Variants in MID1 observed in about 807,000 individuals in gnomAD.
The protein encoded by MID1 is E3 ubiquitin-protein ligase Midline-1.
Under a neutral mutation model 40.4 loss-of-function variants are expected in MID1, and 7 were observed. The observed-to-expected ratio is 0.17, with a 90% confidence interval of 0.10 to 0.33. The LOEUF (loss-of-function observed/expected upper bound fraction) is 0.33. Among genes scored for constraint, MID1 ranks in the 10% least tolerant of loss-of-function variants. The probability of loss-of-function intolerance (pLI) is 1.00; values close to 1 mark genes in which losing one functional copy is unlikely to be tolerated. For synonymous variants in MID1, 229 were observed against 221.2 expected (o/e 1.04, Z -0.31); for missense variants, 367 against 558.5 (o/e 0.66, Z 3.46).
intron 7 of MID1, among the ~76,000 whole-genome samples, chrX:10,462,033 G>T (rs1451109459): frequency 9.0e-6 from 1 of 110,980 alleles, no homozygotes; most frequent in Admixed American, 9.6e-5. Flanking sequence ...ACCCAACAAA[G>T]ATTTTATGTT....
At chrX:10,810,907 C>T (rs2044094858) in intron 1 of MID1, among the ~76,000 whole-genome samples, 1 of 110,773 alleles carries the variant, frequency 9.0e-6, no homozygotes, top group Non-Finnish European at 1.9e-5. Flanking sequence ...TATAGTGTCC[C>T]TGTCTGTGGT....
chrX:10,695,827 A>T (rs776341503), intron 1 of MID1, among the ~76,000 whole-genome samples: 1 of 112,217 alleles, frequency 8.9e-6, no homozygotes, highest in South Asian at 3.8e-4. Flanking sequence ...AAATGCAGTG[A>T]GTCTGAAATG....
At chrX:10,774,875 T>C (rs1280255687) in intron 1 of MID1, among the ~76,000 whole-genome samples, 1 of 111,791 alleles carries the variant, frequency 8.9e-6, no homozygotes, top group Admixed American at 9.6e-5. Flanking sequence ...CTTGGCTTTT[T>C]ATTATATCTA....
intron 5 of MID1, among the ~76,000 whole-genome samples, chrX:10,479,977 T>C (rs941138190): frequency 1.8e-5 from 2 of 112,039 alleles, no homozygotes. Flanking sequence ...AGTTAAAAAG[T>C]GGCAGTGCTA....
intron 6 of MID1, among the ~76,000 whole-genome samples, chrX:10,471,218 A>AGAG (rs1929690119): frequency 8.9e-6 from 1 of 112,299 alleles, no homozygotes; most frequent in African/African-American, 3.2e-5. Flanking sequence ...GTACTATTTC[A>AGAG]GAGTTATTTC....
chrX:10,517,344 A>G (rs1196191722), intron 3 of MID1, among the ~76,000 whole-genome samples: 1 of 112,225 alleles, frequency 8.9e-6, no homozygotes, highest in Non-Finnish European at 1.9e-5. Flanking sequence ...TTTCCACTGC[A>G]CTGATTTAAA....
At chrX:10,574,746 C>T (rs1934826783) in intron 1 of MID1, among the ~76,000 whole-genome samples, 1 of 112,412 alleles carries the variant, frequency 8.9e-6, no homozygotes, top group South Asian at 3.7e-4. Flanking sequence ...CTTCCAGCCC[C>T]TCACTTTGTA....
intron 1 of MID1, among the ~76,000 whole-genome samples, chrX:10,630,659 G>C (rs1221449800): frequency 9.0e-6 from 1 of 110,878 alleles, no homozygotes; most frequent in Non-Finnish European, 1.9e-5. Context: ...AGGTTTCAGA[G>C]CTCAGGAGTA....
intron 2 of MID1, among the ~76,000 whole-genome samples, chrX:10,549,082 A>G (rs1437568994): frequency 1.8e-5 from 2 of 111,778 alleles, no homozygotes; most frequent in Non-Finnish European, 3.8e-5. Context: ...GGATAGGAAT[A>G]TTATTGTCTG....
At chrX:10,785,902 C>T (rs1207105201) in intron 1 of MID1, among the ~76,000 whole-genome samples, 2 of 111,908 alleles carry the variant, frequency 1.8e-5, no homozygotes, top group Non-Finnish European at 3.8e-5. Flanking sequence ...AGGACATAGG[C>T]ATGGGCAAGG....
At chrX:10,565,763 T>G (rs1934503145) in intron 2 of MID1, among the ~76,000 whole-genome samples, 1 of 111,235 alleles carries the variant, frequency 9.0e-6, no homozygotes, top group African/African-American at 3.3e-5. Flanking sequence ...GAGACTTGGC[T>G]TATTATTTCT....
chrX:10,627,348 T>C (rs765918533), intron 1 of MID1, among the ~76,000 whole-genome samples: 15 of 111,786 alleles, frequency 1.3e-4, no homozygotes, highest in Non-Finnish European at 2.6e-4. Context: ...GTTTCCACCA[T>C]TTCAGCTTTA....
At chrX:10,451,638 T>C (rs1248300047) in intron 9 of MID1, among the ~76,000 whole-genome samples, 2 of 111,681 alleles carry the variant, frequency 1.8e-5, no homozygotes, top group Admixed American at 9.5e-5. Context: ...TGGAAGGAAA[T>C]TGAATCATGG....
intron 1 of MID1, among the ~76,000 whole-genome samples, chrX:10,656,986 A>AT (rs1013654416): frequency 2.7e-5 from 3 of 110,314 alleles, no homozygotes; most frequent in East Asian, 2.9e-4. Flanking sequence ...AGTCTCTACA[A>AT]TTTTTTTACC....
intron 1 of MID1, among the ~76,000 whole-genome samples, chrX:10,703,073 T>C (rs2147083400): frequency 8.9e-6 from 1 of 112,285 alleles, no homozygotes; most frequent in East Asian, 2.8e-4. Context: ...TGTAGTATTT[T>C]GTTATGGCAG....
chrX:10,449,281 AC>A lies in MID1; in HGVS notation c.*86del. The A allele has an allele frequency of 1.2e-6, 1 of 807,205 alleles. No homozygotes were observed. 66.5% of individuals were successfully genotyped at this position (807,205 alleles called of 1,213,427 possible). A position where few individuals can be genotyped will look rare whatever the true frequency, so the allele number is the denominator to read the frequency against. On this transcript the variant is annotated 3_prime_UTR_variant, in exon 10 of 10. Coordinates refer to ENST00000317552, the MANE Select transcript of MID1 (RefSeq NM_000381.4). ...GACACTTCTGGTGAGATTTCATTACACTCATGAAGCCTGTGCTTTCTCAGTC... is the reference window on the plus strand; with the variant it reads ...GACACTTCTGGTGAGATTTCATTACATCATGAAGCCTGTGCTTTCTCAGTC...
chrX:10,695,328 T>C (rs1431417294), intron 1 of MID1, among the ~76,000 whole-genome samples: 1 of 111,370 alleles, frequency 9.0e-6, no homozygotes, highest in Non-Finnish European at 1.9e-5. Flanking sequence ...GTTTTCACCA[T>C]GTTGCCCAGG....
At chrX:10,501,851 A>T (rs1260819379) in intron 3 of MID1, among the ~76,000 whole-genome samples, 5 of 111,910 alleles carry the variant, frequency 4.5e-5, no homozygotes, top group Non-Finnish European at 9.4e-5. Flanking sequence ...GCAACGCCCA[A>T]AGTCTCCCTG....
At chrX:10,469,972 C>A in intron 6 of MID1, 132 bp from the exon 7 acceptor site, 1 of 572,947 alleles carries the variant, frequency 1.7e-6, no homozygotes, top group Non-Finnish European at 2.8e-6. Context: ...AGATGGTGAC[C>A]CCAATCTAAA....
Sources: allele counts gnomAD v4.1 joint callset (sites outside exome capture counted in the v4.1 genomes callset), GRCh38; gene constraint gnomAD v4.1.1; transcripts MANE v1.5; gene names NCBI Gene and HGNC (gene_info 2026-07-23, HGNC 2026-07-21).